PRKAR2A: variants seen among roughly 807,000 people sequenced by gnomAD.
PRKAR2A encodes cAMP-dependent protein kinase type II-alpha regulatory subunit.
PRKAR2A carries 29 observed loss-of-function variants against 51.9 expected under a neutral mutation model. That is an observed-to-expected ratio of 0.56 (90% CI 0.42 to 0.76). PRKAR2A has a LOEUF of 0.76. PRKAR2A is among the 30% of genes least tolerant of loss of function. PRKAR2A has a pLI of 0.00. For missense variants in PRKAR2A, 445 were observed against 512.1 expected (o/e 0.87, Z 1.26); for synonymous variants, 178 against 186.2 (o/e 0.96, Z 0.36).
intron 6 of PRKAR2A, among the ~76,000 whole-genome samples, chr3:48,771,380 C>A (rs1344804693): frequency 6.6e-6 from 1 of 151,910 alleles, no homozygotes; most frequent in South Asian, 2.1e-4. Context: ...TGGTGGTGCA[C>A]ACCTGTAGTC....
intron 2 of PRKAR2A, among the ~76,000 whole-genome samples, chr3:48,806,205 G>A (rs962283732): frequency 6.6e-6 from 1 of 152,058 alleles, no homozygotes; most frequent in Admixed American, 6.6e-5. Flanking sequence ...TAAATGAGCC[G>A]ATTTTCTCAA....
At chr3:48,833,406 G>C (rs558594144) in intron 1 of PRKAR2A, among the ~76,000 whole-genome samples, 28 of 152,082 alleles carry the variant, frequency 1.8e-4, no homozygotes, top group Non-Finnish European at 3.2e-4. Flanking sequence ...GGTTCCTCTT[G>C]TGTTTAGAAA....
intron 1 of PRKAR2A, among the ~76,000 whole-genome samples, chr3:48,823,966 CCTGTAATCCCAGCA>C (rs1459036989): frequency 2.6e-5 from 4 of 152,260 alleles, no homozygotes; most frequent in East Asian, 3.9e-4. Context: ...GTGGCTCACG[CCTGTAATCCCAGCA>C]CTGTAATCCC....
intron 1 of PRKAR2A, among the ~76,000 whole-genome samples, chr3:48,826,350 T>G (rs963221654): frequency 6.6e-6 from 1 of 152,180 alleles, no homozygotes; most frequent in African/African-American, 2.4e-5. Context: ...GTATTTACAA[T>G]TATAGTTTTA....
chr3:48,799,719 G>T (rs1456998427), intron 2 of PRKAR2A, among the ~76,000 whole-genome samples: 3 of 152,206 alleles, frequency 2.0e-5, no homozygotes, highest in Admixed American at 2.0e-4. Context: ...TCTGCTGCCT[G>T]TCACAGTCAT....
At chr3:48,808,174 C>T (rs1559633235) in intron 1 of PRKAR2A, among the ~76,000 whole-genome samples, 1 of 149,990 alleles carries the variant, frequency 6.7e-6, no homozygotes. Context: ...CAGCCTCCGG[C>T]GTAGCTGGGA....
chr3:48,768,310 T>C (rs868217404), intron 6 of PRKAR2A, among the ~76,000 whole-genome samples: 1 of 147,208 alleles, frequency 6.8e-6, no homozygotes. Flanking sequence ...GATAGATAGA[T>C]AGATAGATAG....
chr3:48,840,130 T>C lies in PRKAR2A; in HGVS notation c.262+7205A>G, dbSNP rs143843139. ...GTGGAATCATACATTATTTGTCCTT[T>C]TGTATCTGGCTCATTTCATTTAGGA... On this transcript the variant is annotated intron_variant, in intron 1 of 10. Coordinates refer to ENST00000265563, the MANE Select transcript of PRKAR2A (RefSeq NM_004157.4). Among the ~76,000 whole-genome samples, 427 of 152,320 alleles carry C rather than the reference T, an allele frequency of 2.8e-3. 3 individuals are homozygous for C. The highest frequency in any genetic ancestry group is 9.5e-3 in the African/African-American group (397 of 41,572).
intron 1 of PRKAR2A, among the ~76,000 whole-genome samples, chr3:48,835,161 G>A (rs573703258): frequency 6.6e-6 from 1 of 152,136 alleles, no homozygotes; most frequent in African/African-American, 2.4e-5. Flanking sequence ...AGTAGAGACG[G>A]GGTTTCCCCA....
At chr3:48,765,480 C>G in intron 6 of PRKAR2A, 131 bp from the exon 7 acceptor site, 1 of 658,862 alleles carries the variant, frequency 1.5e-6, no homozygotes, top group Non-Finnish European at 2.5e-6. Context: ...AATGATACTT[C>G]AATCTTGAGT....
intron 1 of PRKAR2A, among the ~76,000 whole-genome samples, chr3:48,838,267 G>A (rs1043153987): frequency 2.6e-5 from 4 of 152,174 alleles, no homozygotes; most frequent in Admixed American, 6.5e-5. Context: ...TAGATTAGAG[G>A]ATGCCTAGGG....
chr3:48,765,724 C>CAAAAA (rs756566818), intron 6 of PRKAR2A, among the ~76,000 whole-genome samples: 18 of 45,218 alleles, frequency 4.0e-4, no homozygotes, highest in Non-Finnish European at 6.3e-4. Context: ...ACCCTCATTT[C>CAAAAA]AAAAAAAAAA....
At chr3:48,792,270 T>G (rs1014844866) in intron 3 of PRKAR2A, among the ~76,000 whole-genome samples, 5 of 150,702 alleles carry the variant, frequency 3.3e-5, no homozygotes, top group African/African-American at 9.8e-5. Context: ...GCCTCCTGAG[T>G]AGCTGGGAGT....
chr3:48,819,007 C>CTT (rs900424792), intron 1 of PRKAR2A, among the ~76,000 whole-genome samples: 199 of 146,380 alleles, frequency 1.4e-3, no homozygotes, highest in Non-Finnish European at 2.5e-3. Context: ...TGTTCAAACA[C>CTT]TTTTTTTTTT....
At chr3:48,759,957 T>G (rs2081838716) in intron 8 of PRKAR2A, among the ~76,000 whole-genome samples, 2 of 152,204 alleles carry the variant, frequency 1.3e-5, no homozygotes, top group South Asian at 4.1e-4. Flanking sequence ...ACATAAAACA[T>G]GATTTTGTAA....
At chr3:48,766,988 T>C (rs1293992215) in intron 6 of PRKAR2A, among the ~76,000 whole-genome samples, 1 of 152,106 alleles carries the variant, frequency 6.6e-6, no homozygotes, top group Non-Finnish European at 1.5e-5. Context: ...TAGTAAGTAA[T>C]GGATTCTGAT....
At chr3:48,836,419 T>A (rs867457998) in intron 1 of PRKAR2A, among the ~76,000 whole-genome samples, 17 of 56,096 alleles carry the variant, frequency 3.0e-4, no homozygotes, top group African/African-American at 1.5e-3. Context: ...AGACTCCGTC[T>A]AAAAAAAAAA....
At chr3:48,840,466 C>T (rs752783840) in intron 1 of PRKAR2A, among the ~76,000 whole-genome samples, 4 of 150,940 alleles carry the variant, frequency 2.7e-5, no homozygotes, top group Non-Finnish European at 5.9e-5. Flanking sequence ...TGCACTCCAG[C>T]CTGGGAGACA....
At chr3:48,758,123 T>C (rs2081801769) in intron 8 of PRKAR2A, among the ~76,000 whole-genome samples, 1 of 151,620 alleles carries the variant, frequency 6.6e-6, no homozygotes, top group African/African-American at 2.4e-5. Flanking sequence ...CCAGGAGTGG[T>C]GGTGCACAAC....
Sources: allele counts gnomAD v4.1 joint callset (sites outside exome capture counted in the v4.1 genomes callset), GRCh38; gene constraint gnomAD v4.1.1; transcripts MANE v1.5; gene names NCBI Gene and HGNC (gene_info 2026-07-23, HGNC 2026-07-21).